AGMO: variants seen among roughly 807,000 people sequenced by gnomAD.
AGMO encodes the protein glyceryl-ether monooxygenase.
A neutral mutation model predicts 60.2 loss-of-function variants in AGMO; 75 were observed. That is an observed-to-expected ratio of 1.25 (90% CI 1.03 to 1.51). AGMO has a LOEUF of 1.51. Among genes scored for constraint, AGMO ranks in the 40% most tolerant of loss-of-function variants. The probability of loss-of-function intolerance (pLI) is 0.00; values close to 1 mark genes in which losing one functional copy is unlikely to be tolerated. For missense variants in AGMO, 763 were observed against 525.5 expected (o/e 1.45, Z -4.42); for synonymous variants, 261 against 177.1 (o/e 1.47, Z -3.76).
At chr7:15,397,865 A>T (rs1784454499) in intron 5 of AGMO, among the ~76,000 whole-genome samples, 1 of 152,230 alleles carries the variant, frequency 6.6e-6, no homozygotes, top group Admixed American at 6.5e-5. Flanking sequence ...GTTAATAACC[A>T]GGAATTGGGA....
intron 12 of AGMO, among the ~76,000 whole-genome samples, chr7:15,228,185 T>G (rs1782147944): frequency 1.3e-5 from 2 of 152,244 alleles, no homozygotes; most frequent in African/African-American, 4.8e-5. Flanking sequence ...TCTACACTTT[T>G]CCAACAGATA....
intron 12 of AGMO, among the ~76,000 whole-genome samples, chr7:15,328,812 T>G (rs1331661964): frequency 6.6e-6 from 1 of 152,090 alleles, no homozygotes; most frequent in Non-Finnish European, 1.5e-5. Context: ...TATTCTGGTG[T>G]TAACCTCTCT....
intron 10 of AGMO, among the ~76,000 whole-genome samples, chr7:15,382,522 G>T (rs1049537682): frequency 1.3e-5 from 2 of 152,132 alleles, no homozygotes; most frequent in African/African-American, 4.8e-5. Context: ...CTCCGTGTGT[G>T]TTTTCCTTCT....
intron 12 of AGMO, among the ~76,000 whole-genome samples, chr7:15,353,864 T>G (rs1390681537): frequency 6.6e-6 from 1 of 152,150 alleles, no homozygotes; most frequent in East Asian, 1.9e-4. Context: ...AAGCTATATT[T>G]GTGTCTTTTA....
intron 4 of AGMO, among the ~76,000 whole-genome samples, chr7:15,425,491 G>C (rs1409574971): frequency 6.6e-6 from 1 of 150,686 alleles, no homozygotes; most frequent in Non-Finnish European, 1.5e-5. Context: ...CTGGAGTGCA[G>C]TGGAGCCACC....
chr7:15,379,730 A>G (rs1389325248), intron 10 of AGMO, among the ~76,000 whole-genome samples: 1 of 152,006 alleles, frequency 6.6e-6, no homozygotes, highest in East Asian at 1.9e-4. Flanking sequence ...TCAGGCCAAT[A>G]TCCTTGACTG....
chr7:15,533,225 C>T (rs1327685700), intron 3 of AGMO, among the ~76,000 whole-genome samples: 5 of 151,870 alleles, frequency 3.3e-5, no homozygotes, highest in Non-Finnish European at 7.4e-5. Flanking sequence ...TCCTGTTATG[C>T]TGTGGTTATG....
intron 5 of AGMO, among the ~76,000 whole-genome samples, chr7:15,395,490 T>C (rs1344712603): frequency 2.0e-5 from 3 of 152,176 alleles, no homozygotes; most frequent in East Asian, 1.9e-4. Context: ...AATATTTTCA[T>C]TGGGAGTTAT....
chr7:15,472,976 T>C (rs1043422079), intron 3 of AGMO, among the ~76,000 whole-genome samples: 3 of 151,880 alleles, frequency 2.0e-5, no homozygotes, highest in African/African-American at 4.8e-5. Context: ...TTGTTGTATG[T>C]TTCACCAACA....
chr7:15,384,001 T>C (rs913501621), intron 10 of AGMO, among the ~76,000 whole-genome samples: 5 of 152,244 alleles, frequency 3.3e-5, no homozygotes, highest in East Asian at 1.9e-4. Flanking sequence ...AGTGGCGCGA[T>C]CTCGGCTCAC....
chr7:15,262,191 C>A (rs1205539861), intron 12 of AGMO, among the ~76,000 whole-genome samples: 1 of 152,026 alleles, frequency 6.6e-6, no homozygotes, highest in Non-Finnish European at 1.5e-5. Flanking sequence ...AGAAGTCAAA[C>A]TGTCACTGTT....
At chr7:15,176,085 T>C in the AGMO span, among the ~76,000 whole-genome samples, 1 of 152,046 alleles carries the variant, frequency 6.6e-6, no homozygotes, top group Admixed American at 6.6e-5. Flanking sequence ...CTTTTTAAAA[T>C]TGCTATCATT....
intron 12 of AGMO, among the ~76,000 whole-genome samples, chr7:15,282,370 T>G (rs1002822825): frequency 6.6e-6 from 1 of 152,008 alleles, no homozygotes; most frequent in African/African-American, 2.4e-5. Context: ...GAGATAGATA[T>G]TTTACAGAAA....
At chr7:15,382,673 T>C (rs547827809) in intron 10 of AGMO, among the ~76,000 whole-genome samples, 18 of 152,296 alleles carry the variant, frequency 1.2e-4, no homozygotes, top group Non-Finnish European at 2.5e-4. Context: ...AGAGAAGCCC[T>C]TTTAGAAGCG....
chr7:15,294,635 C>T (rs1037582718), intron 12 of AGMO, among the ~76,000 whole-genome samples: 3 of 151,658 alleles, frequency 2.0e-5, no homozygotes, highest in East Asian at 1.9e-4. Context: ...TAATTTGAGG[C>T]GATGGGAAGG....
chr7:15,437,874 A>G (rs1781445301), intron 3 of AGMO, among the ~76,000 whole-genome samples: 1 of 152,130 alleles, frequency 6.6e-6, no homozygotes, highest in South Asian at 2.1e-4. Flanking sequence ...TAATCTCTCT[A>G]GAAGAGTAAG....
At chr7:15,346,069 A>T (rs1188132366) in intron 12 of AGMO, among the ~76,000 whole-genome samples, 1 of 152,188 alleles carries the variant, frequency 6.6e-6, no homozygotes, top group Non-Finnish European at 1.5e-5. Flanking sequence ...TGCTGTTAGT[A>T]TCAAGAAAAT....
the AGMO span, among the ~76,000 whole-genome samples, chr7:15,170,018 G>C: frequency 6.6e-6 from 1 of 152,214 alleles, no homozygotes; most frequent in African/African-American, 2.4e-5. Flanking sequence ...AGTTAGGGAT[G>C]GGTACAGTTA....
At chr7:15,238,438 AAAAT>A (rs778527592) in intron 12 of AGMO, among the ~76,000 whole-genome samples, 10 of 151,884 alleles carry the variant, frequency 6.6e-5, no homozygotes, top group Non-Finnish European at 1.5e-4. Context: ...CAACACGAAG[AAAAT>A]AAATATTTGA....
Sources: allele counts gnomAD v4.1 joint callset (sites outside exome capture counted in the v4.1 genomes callset), GRCh38; gene constraint gnomAD v4.1.1; transcripts MANE v1.5; gene names NCBI Gene and HGNC (gene_info 2026-07-23, HGNC 2026-07-21).